Variants in UBE3D observed in about 807,000 individuals in gnomAD.
UBE3D encodes the protein ubiquitin protein ligase E3D.
Under a neutral mutation model 49.6 loss-of-function variants are expected in UBE3D, and 48 were observed. That is an observed-to-expected ratio of 0.97 (90% CI 0.77 to 1.23). The LOEUF (loss-of-function observed/expected upper bound fraction) is 1.23. UBE3D is among the 50% of genes most tolerant of loss of function. The probability of loss-of-function intolerance (pLI) is 0.00; values close to 1 mark genes in which losing one functional copy is unlikely to be tolerated. For synonymous variants in UBE3D, 189 were observed against 174.2 expected (o/e 1.08, Z -0.67); for missense variants, 452 against 468.4 (o/e 0.96, Z 0.32).
chr6:82,943,196 G>A lies in UBE3D; in HGVS notation c.1149+14116C>T, dbSNP rs370404892. ...TTGTTTTGGCCAATTTCTCCCCTGT[G>A]GAATGGGTGTATTTACCTAATGCCT... is the stretch of plus-strand genomic sequence containing the variant. On this transcript the variant is annotated intron_variant, in intron 9 of 9. Transcript: ENST00000369747. Among the ~76,000 whole-genome samples the A allele has an allele frequency of 9.2e-5, 14 of 152,290 alleles. No homozygotes were observed. The East Asian group carries it at 1.9e-3, about 21-fold the overall frequency.
At chr6:83,005,931 G>C (rs1779945715) in intron 8 of UBE3D, among the ~76,000 whole-genome samples, 1 of 151,998 alleles carries the variant, frequency 6.6e-6, no homozygotes, top group Non-Finnish European at 1.5e-5. Flanking sequence ...ATATCAAAAA[G>C]TAGTCAATGT....
rs1204969384 is a variant in UBE3D at position 82,892,908 on chromosome 6, C to T, written c.*114G>A. The T allele has an allele frequency of 8.3e-7, 1 of 1,205,980 alleles. No homozygotes were observed. The highest frequency in any genetic ancestry group is 1.2e-6 in the Non-Finnish European group (1 of 812,476). 74.7% of individuals were successfully genotyped at this position (1,205,980 alleles called of 1,614,324 possible). ...AAAACTTCAATGCAATGCTCTTATC[C>T]CATAGCTCTGGTTCTTGTCTTTGTA... On this transcript the variant is annotated 3_prime_UTR_variant, in exon 10 of 10. Coordinates refer to ENST00000369747, the MANE Select transcript of UBE3D (RefSeq NM_198920.3).
intron 5 of UBE3D, among the ~76,000 whole-genome samples, chr6:83,033,769 C>G (rs994657668): frequency 2.6e-5 from 4 of 152,160 alleles, no homozygotes; most frequent in African/African-American, 9.7e-5. Flanking sequence ...TTATAAATTA[C>G]CCAGTCTTGG....
intron 8 of UBE3D, among the ~76,000 whole-genome samples, chr6:82,963,535 G>C (rs1776702354): frequency 1.3e-5 from 2 of 152,170 alleles, no homozygotes; most frequent in Non-Finnish European, 2.9e-5. Context: ...CAAAGCCGAA[G>C]AACTTGGAGT....
intron 8 of UBE3D, among the ~76,000 whole-genome samples, chr6:82,967,876 C>G (rs1287575504): frequency 1.3e-5 from 2 of 152,098 alleles, no homozygotes; most frequent in African/African-American, 4.8e-5. Flanking sequence ...CTCCTGGCCT[C>G]AAGCAATCCT....
At chr6:82,973,438 G>T (rs149037005) in intron 8 of UBE3D, among the ~76,000 whole-genome samples, 1 of 152,148 alleles carries the variant, frequency 6.6e-6, no homozygotes, top group African/African-American at 2.4e-5. Flanking sequence ...ACCTTGAGTT[G>T]AAGAGAAAAA....
chr6:83,056,809 G>C (rs77657137), intron 2 of UBE3D, among the ~76,000 whole-genome samples: 98 of 152,254 alleles, frequency 6.4e-4, no homozygotes, highest in African/African-American at 2.1e-3. Context: ...CAGATGAAAG[G>C]TTTATTACAG....
At chr6:83,062,087 G>T (rs971722316) in intron 1 of UBE3D, among the ~76,000 whole-genome samples, 3 of 150,948 alleles carry the variant, frequency 2.0e-5, no homozygotes, top group Admixed American at 6.6e-5. Context: ...TATTTATTTT[G>T]TATATTCTCT....
chr6:82,928,179 A>G (rs1289576600), intron 9 of UBE3D, among the ~76,000 whole-genome samples: 1 of 151,944 alleles, frequency 6.6e-6, no homozygotes. Flanking sequence ...TCTTCCTCCT[A>G]ATTTTTCTGT....
rs753950588 is a variant in UBE3D at position 82,892,986 on chromosome 6, T to A, written c.*36A>T. 1.9e-6 allele frequency: 3 copies of A among 1,613,406 alleles called. No homozygotes were observed. In the African/African-American group the frequency reaches 4.0e-5, roughly 22 times the overall value. ...CCTCGGTGTGCTCCTGCTTGAGAGC[T>A]GTCTGCCGGGGGAGGAGAATGCCCA... On this transcript the variant is annotated 3_prime_UTR_variant, in exon 10 of 10. Transcript: ENST00000369747.
At chr6:82,962,780 A>T (rs1217466293) in intron 8 of UBE3D, among the ~76,000 whole-genome samples, 1 of 152,198 alleles carries the variant, frequency 6.6e-6, no homozygotes, top group Non-Finnish European at 1.5e-5. Context: ...TCCATGAACA[A>T]GGCAAAAGTA....
chr6:82,929,600 T>C (rs933924496), intron 9 of UBE3D, among the ~76,000 whole-genome samples: 1 of 151,470 alleles, frequency 6.6e-6, no homozygotes, highest in African/African-American at 2.4e-5. Context: ...GGGGAGTGAG[T>C]CCTCTGATTT....
At chr6:83,008,454 A>C (rs947338102) in intron 8 of UBE3D, among the ~76,000 whole-genome samples, 5 of 152,190 alleles carry the variant, frequency 3.3e-5, no homozygotes, top group Non-Finnish European at 5.9e-5. Context: ...AGTAAAAAAA[A>C]CCGCTGTTGC....
chr6:83,013,275 C>G (rs1011834059), intron 8 of UBE3D, among the ~76,000 whole-genome samples: 1 of 152,168 alleles, frequency 6.6e-6, no homozygotes, highest in Admixed American at 6.5e-5. Context: ...CAGTAACAGG[C>G]TAAGACCTGT....
chr6:82,946,903 C>T (rs1285772672), intron 9 of UBE3D, among the ~76,000 whole-genome samples: 2 of 148,524 alleles, frequency 1.3e-5, no homozygotes, highest in African/African-American at 2.5e-5. Flanking sequence ...AAAAATCATA[C>T]AACAGGCACA....
At chr6:82,946,335 C>T (rs1461229208) in intron 9 of UBE3D, among the ~76,000 whole-genome samples, 2 of 151,910 alleles carry the variant, frequency 1.3e-5, no homozygotes, top group African/African-American at 4.8e-5. Flanking sequence ...ACCTTACAGG[C>T]CAGGAGAGAG....
At chr6:82,971,220 T>C (rs1469844546) in intron 8 of UBE3D, among the ~76,000 whole-genome samples, 1 of 152,172 alleles carries the variant, frequency 6.6e-6, no homozygotes, top group Non-Finnish European at 1.5e-5. Flanking sequence ...TATAACCATT[T>C]AGGAAAAGTT....
At chr6:82,974,552 T>C (rs1246250418) in intron 8 of UBE3D, among the ~76,000 whole-genome samples, 1 of 152,218 alleles carries the variant, frequency 6.6e-6, no homozygotes, top group African/African-American at 2.4e-5. Flanking sequence ...TTTATTGTTG[T>C]GTTTTTATTT....
intron 3 of UBE3D, 69 bp downstream of exon 3, chr6:83,054,079 A>G (rs1783652169): frequency 2.2e-6 from 3 of 1,386,600 alleles, no homozygotes; most frequent in Non-Finnish European, 3.1e-6. Flanking sequence ...ATTACTTGAA[A>G]AATTCTGATA....
Sources: gnomAD v4.1 joint callset for allele counts (sites outside exome capture counted in the v4.1 genomes callset) on GRCh38, gnomAD v4.1.1 for gene constraint, MANE v1.5 for transcripts, NCBI Gene and HGNC (gene_info 2026-07-23, HGNC 2026-07-21) for gene names.